Variants in CPA3 observed in about 807,000 individuals in gnomAD.
The protein encoded by CPA3 is carboxypeptidase A3.
In CPA3, 52 loss-of-function variants were observed where a neutral mutation model predicts 55.8. The observed-to-expected ratio is 0.93, with a 90% CI of 0.75 to 1.17. CPA3 has a LOEUF of 1.17. CPA3 is among the 50% of genes most tolerant of loss of function. The pLI, the probability that CPA3 is intolerant of heterozygous loss-of-function variation, is 0.00. For missense variants in CPA3, 547 were observed against 509.1 expected (o/e 1.07, Z -0.72); for synonymous variants, 179 against 171.2 (o/e 1.05, Z -0.36).
intron 10 of CPA3, among the ~76,000 whole-genome samples, chr3:148,894,077 G>A (rs1714755564): frequency 6.6e-6 from 1 of 152,130 alleles, no homozygotes; most frequent in Admixed American, 6.6e-5. Flanking sequence ...CTGCAGAGAG[G>A]AAGGAAGAAA....
At chr3:148,881,924 A>C (rs1394094175) in intron 7 of CPA3, among the ~76,000 whole-genome samples, 1 of 152,214 alleles carries the variant, frequency 6.6e-6, no homozygotes, top group Non-Finnish European at 1.5e-5. Context: ...GCTAAGAATA[A>C]AGCCAATTAA....
chr3:148,873,991 T>A (rs1408692601), intron 3 of CPA3, among the ~76,000 whole-genome samples: 1 of 152,192 alleles, frequency 6.6e-6, no homozygotes, highest in African/African-American at 2.4e-5. Flanking sequence ...CAAAATAATA[T>A]TTGAGAAAAA....
intron 9 of CPA3, among the ~76,000 whole-genome samples, 169 bp downstream of exon 9, chr3:148,883,984 T>C (rs1279165498): frequency 6.6e-6 from 1 of 152,174 alleles, no homozygotes; most frequent in Non-Finnish European, 1.5e-5. Context: ...GATTTTTCAT[T>C]GATAAAAGTA....
intron 10 of CPA3, among the ~76,000 whole-genome samples, chr3:148,894,474 A>C (rs1714770218): frequency 6.6e-6 from 1 of 152,132 alleles, no homozygotes; most frequent in African/African-American, 2.4e-5. Context: ...GAACAAAAAA[A>C]AAAAAAGAAA....
chr3:148,890,189 G>A (rs781549030), intron 10 of CPA3, among the ~76,000 whole-genome samples: 4 of 152,062 alleles, frequency 2.6e-5, no homozygotes, highest in Non-Finnish European at 4.4e-5. Context: ...TATTGAGATG[G>A]CACAAAAAAG....
rs756169557 is a variant in CPA3 at position 148,883,598 on chromosome 3, CTA to C, written c.779-13_779-12del. 38 of 1,609,958 alleles carry C rather than the reference CTA, an allele frequency of 2.4e-5. No homozygotes were observed. Among genetic ancestry groups the C allele is most frequent in the South Asian group, 1.1e-5 (1 of 90,996 alleles). ...GGGAGCAGACTGTGGTCTCATCCAC[CTA>C]TGTCTTCTGCAGCCATTCCTAACAC... On this transcript the variant is annotated splice_polypyrimidine_tract_variant and intron_variant, in intron 8 of 10. Coordinates refer to ENST00000296046, the MANE Select transcript of CPA3 (RefSeq NM_001870.4).
chr3:148,876,061 C>T (rs1267907986), intron 3 of CPA3, among the ~76,000 whole-genome samples: 2 of 151,760 alleles, frequency 1.3e-5, no homozygotes, highest in African/African-American at 4.8e-5. Context: ...ACCCTAAAAA[C>T]ATAACTAAAA....
At chr3:148,892,135 T>C (rs1036966328) in intron 10 of CPA3, among the ~76,000 whole-genome samples, 1 of 152,164 alleles carries the variant, frequency 6.6e-6, no homozygotes, top group African/African-American at 2.4e-5. Context: ...TCCCACTGAC[T>C]GCTTCTAAAA....
chr3:148,882,679 TA>T, intron 8 of CPA3, 84 bp downstream of exon 8: 1 of 1,018,892 alleles, frequency 9.8e-7, no homozygotes, highest in Non-Finnish European at 1.5e-6. Flanking sequence ...ACTTGTTCAG[TA>T]AAAATAGTTA....
chr3:148,871,855 G>A (rs1048319545), intron 3 of CPA3, among the ~76,000 whole-genome samples: 2 of 152,110 alleles, frequency 1.3e-5, no homozygotes, highest in Admixed American at 1.3e-4. Flanking sequence ...TTAAAATCTT[G>A]TCTCCAAGTA....
rs752932811 is a variant in CPA3 at position 148,896,524 on chromosome 3, G to A, written c.1071G>A (p.Pro357=). 1.6e-5 allele frequency: 24 copies of A among 1,506,332 alleles called. No individual in the cohort carries two copies. The highest frequency in any genetic ancestry group is 1.8e-4 in the Middle Eastern group (1 of 5,660). 93.3% of individuals were successfully genotyped at this position (1,506,332 alleles called of 1,614,324 possible). ...IYGPIESTIY[P]ISGSSLDWAY... ...TTTACTGCTTGTGTTTTACAGACCC[G>A]ATATCAGGTTCTTCTTTAGACTGGG... Residue 357 remains proline (P), a synonymous_variant, in exon 11 of 11, where the codon CCG becomes CCA. Transcript: ENST00000296046.
At chr3:148,896,237 A>C (rs1714823494) in intron 10 of CPA3, among the ~76,000 whole-genome samples, 1 of 152,102 alleles carries the variant, frequency 6.6e-6, no homozygotes, top group Non-Finnish European at 1.5e-5. Context: ...ACTTGTCCTC[A>C]ACACGTCCAT....
rs753631842 is a variant in CPA3 at position 148,881,621 on chromosome 3, T to C, written c.676T>C (p.Ser226Pro). ...PVFNVDGYIW[S>P]WTKNRMWRKN... ...GTTCAATGTTGATGGATATATTTGG[T>C]CATGGACAAAGGTACTGCTCTCTAC... Residue 226 changes from serine (S) to proline (P), a missense_variant, in exon 7 of 11, where the codon TCA becomes CCA. By Grantham distance (74) the Ser-to-Pro change is moderately conservative (BLOSUM62 -1). Coordinates refer to ENST00000296046, the MANE Select transcript of CPA3 (RefSeq NM_001870.4). 2 of 1,606,944 alleles carry C rather than the reference T, an allele frequency of 1.2e-6. No individual in the cohort carries two copies. The highest frequency in any genetic ancestry group is 3.3e-5 in the Admixed American group (2 of 59,816).
chr3:148,877,350 C>A (rs1322236428), intron 3 of CPA3, among the ~76,000 whole-genome samples: 1 of 152,132 alleles, frequency 6.6e-6, no homozygotes. Flanking sequence ...ACAAAATTAG[C>A]TGGCGTAGTG....
chr3:148,872,310 G>C (rs1380432572), intron 3 of CPA3, among the ~76,000 whole-genome samples: 1 of 152,178 alleles, frequency 6.6e-6, no homozygotes, highest in African/African-American at 2.4e-5. Flanking sequence ...GGACTCAGCA[G>C]TTAAAAATCC....
chr3:148,881,775 A>C, intron 7 of CPA3, 143 bp downstream of exon 7: 1 of 470,262 alleles, frequency 2.1e-6, no homozygotes, highest in South Asian at 5.9e-5. Context: ...GTTTCAAATT[A>C]AGTATGATTT....
chr3:148,881,697 T>C, intron 7 of CPA3, 65 bp downstream of exon 7: 3 of 970,294 alleles, frequency 3.1e-6, no homozygotes, highest in Non-Finnish European at 4.7e-6. Flanking sequence ...CACAATGTTA[T>C]GCATTCAGCT....
chr3:148,875,631 C>T (rs2108031915), intron 3 of CPA3, among the ~76,000 whole-genome samples: 1 of 152,160 alleles, frequency 6.6e-6, no homozygotes, highest in African/African-American at 2.4e-5. Context: ...TTCAGCAAGT[C>T]ATTTTCCCTA....
chr3:148,869,030 T>C lies in CPA3; in HGVS notation c.260T>C (p.Met87Thr), dbSNP rs781709131. 1.9e-6 allele frequency: 3 copies of C among 1,613,770 alleles called. No homozygotes were observed. Among genetic ancestry groups the C allele is most frequent in the Non-Finnish European group, 1.7e-6 (2 of 1,179,898 alleles). ...CAGTCTGCCTTGGATCAAAATAAAATGCACTATGAGTAAGTCCTTGGCAAA... is the reference window on the plus strand; with the variant it reads ...CAGTCTGCCTTGGATCAAAATAAAACGCACTATGAGTAAGTCCTTGGCAAA... Reference protein sequence around the residue: ...AIQSALDQNKMHYEILIHDLQ... With the variant: ...AIQSALDQNKTHYEILIHDLQ... The change falls in exon 3 of 11, where the codon ATG becomes ACG. Residue 87 changes from methionine (M) to threonine (T), a missense_variant. Physicochemically the swap from Met to Thr is moderately conservative, Grantham distance 81 (BLOSUM62 -1). Coordinates refer to ENST00000296046, the MANE Select transcript of CPA3 (RefSeq NM_001870.4).
Sources: gnomAD v4.1 joint callset for allele counts (sites outside exome capture counted in the v4.1 genomes callset) on GRCh38, gnomAD v4.1.1 for gene constraint, MANE v1.5 for transcripts, NCBI Gene and HGNC (gene_info 2026-07-23, HGNC 2026-07-21) for gene names.